Variants in FASTKD1 observed in about 807,000 individuals in gnomAD.
The protein encoded by FASTKD1 is FAST kinase domain-containing protein 1, mitochondrial.
In FASTKD1, 94 loss-of-function variants were observed where a neutral mutation model predicts 90.9. The ratio of observed to expected loss-of-function variants is 1.03; its 90% CI spans 0.88 to 1.23. The LOEUF (loss-of-function observed/expected upper bound fraction) is 1.23, where lower values mean the gene tolerates loss of function less well. FASTKD1 is among the 50% of genes most tolerant of loss of function. The probability of loss-of-function intolerance (pLI) is 0.00; values close to 1 mark genes in which losing one functional copy is unlikely to be tolerated. For missense variants in FASTKD1, 945 were observed against 993.5 expected, an observed-to-expected ratio of 0.95 and a Z score of 0.66; for synonymous variants, 319 against 345.8, an observed-to-expected ratio of 0.92 and a Z score of 0.86.
intron 12 of FASTKD1, among the ~76,000 whole-genome samples, chr2:169,535,032 A>G (rs1684669936): frequency 1.3e-5 from 2 of 152,054 alleles, no homozygotes; most frequent in Non-Finnish European, 2.9e-5. Context: ...AAAAAGAAAA[A>G]TATTAAAAAG....
Position 169,546,467 on chromosome 2 carries a change from A to ATC in FASTKD1, c.1450_1451dup (p.Asp484GlufsTer38). On this transcript the variant is annotated frameshift_variant, in exon 8 of 15. Coordinates refer to ENST00000453153, the MANE Select transcript of FASTKD1 (RefSeq NM_024622.6). LOFTEE classifies it high-confidence loss of function. ...GTTGTAGTCTCTGACGACCATAGTGATCTAATTTTTGAAGTAGTTTCAGTT... is the reference window on the plus strand; with the variant it reads ...GTTGTAGTCTCTGACGACCATAGTGATCTCTAATTTTTGAAGTAGTTTCAGTT... The ATC allele has an allele frequency of 6.2e-7, 1 of 1,614,182 alleles. No individual in the cohort carries two copies. The highest frequency in any genetic ancestry group is 8.5e-7 in the Non-Finnish European group (1 of 1,180,030).
intron 12 of FASTKD1, among the ~76,000 whole-genome samples, chr2:169,532,353 G>C (rs1344815575): frequency 6.7e-6 from 1 of 150,188 alleles, no homozygotes; most frequent in Non-Finnish European, 1.5e-5. Flanking sequence ...CAAGGCTGCA[G>C]TAAGCCATGC....
chr2:169,546,520 T>A lies in FASTKD1; in HGVS notation c.1399A>T (p.Met467Leu). 1 of 1,613,742 alleles carries A rather than the reference T, an allele frequency of 6.2e-7. No individual in the cohort carries two copies. Among genetic ancestry groups the A allele is most frequent in the South Asian group, 1.1e-5 (1 of 91,066 alleles). Residue 467 changes from methionine (M) to leucine (L), a missense_variant, in exon 8 of 15, where the codon ATG (methionine) becomes TTG (leucine). Coordinates refer to ENST00000453153, the MANE Select transcript of FASTKD1 (RefSeq NM_024622.6). ...TTCGCAGTCATATTATCCAAATACA[T>A]GTGATCATGCTGAATCCATCTTAAA... ...SVLRWIQHDH[M>L]YLDNMTAKQL...
chr2:169,570,576 CT>C (rs1447748948), intron 2 of FASTKD1, among the ~76,000 whole-genome samples: 1 of 151,912 alleles, frequency 6.6e-6, no homozygotes, highest in Non-Finnish European at 1.5e-5. Context: ...CCAATACCCC[CT>C]AGAAAACATA....
rs546483748 is a variant in FASTKD1, at chr2:169,560,377, C to A, written c.971+10G>T. 6.6e-7 allele frequency: 1 copy of A among 1,522,600 alleles called. No homozygotes were observed. Among genetic ancestry groups the A allele is most frequent in the Non-Finnish European group, 8.7e-7 (1 of 1,143,920 alleles). 94.3% of individuals were successfully genotyped at this position (1,522,600 alleles called of 1,614,324 possible). A position where few individuals can be genotyped will look rare whatever the true frequency, so the allele number is the denominator to read the frequency against. ...AACAAAAAAAGTAATGCATTTTAAACTGAACTTACTGTTTCTTTTCTTCAG... is the reference window on the plus strand; with the variant it reads ...AACAAAAAAAGTAATGCATTTTAAAATGAACTTACTGTTTCTTTTCTTCAG... On this transcript the variant is annotated intron_variant, in intron 5 of 14. Coordinates refer to ENST00000453153, the MANE Select transcript of FASTKD1 (RefSeq NM_024622.6).
At chr2:169,534,015 A>G (rs1046719895) in intron 12 of FASTKD1, among the ~76,000 whole-genome samples, 4 of 151,824 alleles carry the variant, frequency 2.6e-5, no homozygotes, top group African/African-American at 9.7e-5. Flanking sequence ...TACAAAAAAC[A>G]CAAAAATTAG....
intron 8 of FASTKD1, 84 bp from the exon 9 acceptor site, chr2:169,544,919 TC>T: frequency 1.4e-6 from 1 of 690,276 alleles, no homozygotes; most frequent in Non-Finnish European, 2.5e-6. Context: ...TTAGGAGAAA[TC>T]TTTTCCTATC....
intron 5 of FASTKD1, among the ~76,000 whole-genome samples, chr2:169,557,935 T>C (rs987229611): frequency 6.6e-6 from 1 of 152,216 alleles, no homozygotes; most frequent in Admixed American, 6.5e-5. Flanking sequence ...TCTATTCACA[T>C]GGATAACTCC....
chr2:169,551,237 G>A (rs756569524), intron 7 of FASTKD1, among the ~76,000 whole-genome samples: 4 of 152,150 alleles, frequency 2.6e-5, no homozygotes, highest in Non-Finnish European at 4.4e-5. Flanking sequence ...AGCATCTACT[G>A]AAGATGAGGA....
intron 4 of FASTKD1, among the ~76,000 whole-genome samples, chr2:169,562,782 T>A (rs1382170185): frequency 6.6e-6 from 1 of 152,108 alleles, no homozygotes; most frequent in African/African-American, 2.4e-5. Context: ...AGATTCAGGT[T>A]TCCTAAGCTC....
At chr2:169,572,372 ATC>A (rs1179879774) in intron 1 of FASTKD1, among the ~76,000 whole-genome samples, 1 of 152,062 alleles carries the variant, frequency 6.6e-6, no homozygotes, top group East Asian at 1.9e-4. Flanking sequence ...AGTGTTTTAA[ATC>A]TGACATTTAC....
At chr2:169,540,329 A>C (rs1684912088) in intron 9 of FASTKD1, 150 bp from the exon 10 acceptor site, 1 of 806,100 alleles carries the variant, frequency 1.2e-6, no homozygotes, top group Non-Finnish European at 1.8e-6. Context: ...ATAATGGTTA[A>C]GTGGTTACCT....
At chr2:169,532,458 T>G (rs1413340586) in intron 12 of FASTKD1, among the ~76,000 whole-genome samples, 1 of 149,830 alleles carries the variant, frequency 6.7e-6, no homozygotes, top group East Asian at 1.9e-4. Flanking sequence ...CTTGTGTGCC[T>G]CCTGAGAGGA....
intron 9 of FASTKD1, among the ~76,000 whole-genome samples, chr2:169,541,907 C>T (rs921269165): frequency 2.0e-5 from 3 of 152,146 alleles, no homozygotes; most frequent in Non-Finnish European, 4.4e-5. Flanking sequence ...GGAAAAAAAC[C>T]AAACATGCTC....
At chr2:169,552,559 C>T (rs1406066355) in intron 7 of FASTKD1, among the ~76,000 whole-genome samples, 2 of 152,012 alleles carry the variant, frequency 1.3e-5, no homozygotes, top group African/African-American at 4.8e-5. Flanking sequence ...CACCTTTAAT[C>T]AGCCATTAAA....
chr2:169,572,750 C>A (rs893350812), intron 1 of FASTKD1, among the ~76,000 whole-genome samples: 14 of 151,682 alleles, frequency 9.2e-5, no homozygotes, highest in African/African-American at 1.9e-4. Context: ...ATTAAAGCAC[C>A]AATCAAGAAA....
chr2:169,531,110 A>AT (rs769642473), intron 13 of FASTKD1: 2 of 731,092 alleles, frequency 2.7e-6, no homozygotes, highest in Non-Finnish European at 5.0e-6. Flanking sequence ...AGAAGATACT[A>AT]TTTTACTTCC....
rs753539839 is a variant in FASTKD1, at chr2:169,557,199, C to T, written c.1070G>A (p.Cys357Tyr). 6.2e-7 allele frequency: 1 copy of T among 1,605,786 alleles called. No individual in the cohort carries two copies. The highest frequency in any genetic ancestry group is 1.1e-5 in the South Asian group (1 of 90,700). Reference sequence around the variant, plus strand: ...TCAGAAAAGATACCTTTTAATCAGACATGAGTTTCTGCTTTCCATATCTCC... The same window carrying T: ...TCAGAAAAGATACCTTTTAATCAGATATGAGTTTCTGCTTTCCATATCTCC... ...AMGDMESRNS[C>Y]LIKRVTSVLH... is the part of the protein sequence containing the mutation. The change falls in exon 6 of 15, where the codon TGT becomes TAT. Residue 357 changes from cysteine (C) to tyrosine (Y), a missense_variant. Physicochemically the swap from Cys to Tyr is radical, Grantham distance 194. Coordinates refer to ENST00000453153, the MANE Select transcript of FASTKD1 (RefSeq NM_024622.6).
chr2:169,553,688 C>T (rs892106920), intron 7 of FASTKD1, among the ~76,000 whole-genome samples: 2 of 152,094 alleles, frequency 1.3e-5, no homozygotes, highest in Middle Eastern at 3.4e-3. Flanking sequence ...GAGGCTGAGG[C>T]GGGCAGACCA....
Sources: allele counts gnomAD v4.1 joint callset (sites outside exome capture counted in the v4.1 genomes callset), GRCh38; gene constraint gnomAD v4.1.1; transcripts MANE v1.5; gene names NCBI Gene and HGNC (gene_info 2026-07-23, HGNC 2026-07-21).